Variants in STAU2 observed in about 807,000 individuals in gnomAD.
STAU2 encodes the protein staufen double-stranded RNA binding protein 2, also known as double-stranded RNA-binding protein Staufen homolog 2.
A neutral mutation model predicts 65.9 loss-of-function variants in STAU2; 20 were observed. The observed-to-expected ratio is 0.30, with a 90% confidence interval of 0.21 to 0.44. The LOEUF (loss-of-function observed/expected upper bound fraction) is 0.44, where lower values mean the gene tolerates loss of function less well. Among genes scored for constraint, STAU2 ranks in the 20% least tolerant of loss-of-function variants. The pLI is 1.00. For synonymous variants in STAU2, 232 were observed against 233.9 expected (o/e 0.99, Z 0.07); for missense variants, 558 against 683.9 (o/e 0.82, Z 2.05).
At chr8:73,637,720 A>AACAAAC (rs1196506263) in intron 6 of STAU2, among the ~76,000 whole-genome samples, 3 of 151,930 alleles carry the variant, frequency 2.0e-5, no homozygotes, top group Admixed American at 6.6e-5. Context: ...CAAAAACAAA[A>AACAAAC]ACAAACACAA....
At chr8:73,667,789 A>G (rs530911900) in intron 6 of STAU2, among the ~76,000 whole-genome samples, 3 of 152,344 alleles carry the variant, frequency 2.0e-5, no homozygotes, top group Non-Finnish European at 4.4e-5. Context: ...GACCTCACGA[A>G]AGTCCTTCAT....
rs921872281 is a variant in STAU2, at chr8:73,739,883, A to G, written c.-196-15T>C. ...GTAGGCAGCCTCTAACAAATAGAATATAGCAGAAATAATGAGATACCACTT... is the reference window on the plus strand; with the variant it reads ...GTAGGCAGCCTCTAACAAATAGAATGTAGCAGAAATAATGAGATACCACTT... On this transcript the variant is annotated splice_polypyrimidine_tract_variant and intron_variant, in intron 1 of 14. Coordinates refer to ENST00000524300, the MANE Select transcript of STAU2 (RefSeq NM_001164380.2). 2 of 893,874 alleles carry G rather than the reference A, an allele frequency of 2.2e-6. No individual in the cohort carries two copies. Among genetic ancestry groups the G allele is most frequent in the Non-Finnish European group, 3.5e-6 (2 of 564,972 alleles). The allele number at this position is 893,874 out of a possible 1,614,324, so 55.4% of individuals were successfully genotyped here. A position where few individuals can be genotyped will look rare whatever the true frequency, so the allele number is the denominator to read the frequency against.
At chr8:73,666,064 T>TCCATGAATGCTGAGC (rs1456823566) in intron 6 of STAU2, among the ~76,000 whole-genome samples, 1 of 152,088 alleles carries the variant, frequency 6.6e-6, no homozygotes, top group Non-Finnish European at 1.5e-5. Context: ...ATTGGCTGGA[T>TCCATGAATGCTGAGC]CCATGAATGC....
chr8:73,744,646 T>G (rs1461403762), intron 1 of STAU2, among the ~76,000 whole-genome samples: 1 of 152,218 alleles, frequency 6.6e-6, no homozygotes, highest in Non-Finnish European at 1.5e-5. Context: ...CCACTCTTCC[T>G]AGCACTTCAT....
intron 5 of STAU2, among the ~76,000 whole-genome samples, chr8:73,688,036 A>G (rs915317415): frequency 6.6e-6 from 1 of 151,716 alleles, no homozygotes; most frequent in Admixed American, 6.6e-5. Flanking sequence ...TTTAAAAAAA[A>G]AAAACTCAGT....
At chr8:73,528,250 T>C (rs903793279) in intron 13 of STAU2, among the ~76,000 whole-genome samples, 1 of 152,214 alleles carries the variant, frequency 6.6e-6, no homozygotes, top group Non-Finnish European at 1.5e-5. Context: ...TACAGTATAG[T>C]CCCTACAAAA....
chr8:73,707,683 C>T (rs906725063), intron 4 of STAU2, among the ~76,000 whole-genome samples: 4 of 151,934 alleles, frequency 2.6e-5, no homozygotes. Flanking sequence ...CAATGAGGAG[C>T]AAAGAGTATA....
At chr8:73,427,307 T>C (rs1469408110) in intron 13 of STAU2, among the ~76,000 whole-genome samples, 3 of 152,170 alleles carry the variant, frequency 2.0e-5, no homozygotes, top group Non-Finnish European at 4.4e-5. Flanking sequence ...GGTGTTACTC[T>C]AGGTGCTTCT....
At chr8:73,435,644 C>T (rs553676703) in intron 13 of STAU2, among the ~76,000 whole-genome samples, 71 of 152,074 alleles carry the variant, frequency 4.7e-4, no homozygotes, top group Non-Finnish European at 9.1e-4. Flanking sequence ...AGAAATGTTC[C>T]TGCCCCATAA....
chr8:73,718,462 G>A (rs1821409277), intron 3 of STAU2, among the ~76,000 whole-genome samples: 1 of 152,022 alleles, frequency 6.6e-6, no homozygotes, highest in Non-Finnish European at 1.5e-5. Flanking sequence ...ACCAAGAAAG[G>A]GCTACTTGCT....
chr8:73,668,663 G>A (rs2130377018), intron 6 of STAU2, among the ~76,000 whole-genome samples: 1 of 152,234 alleles, frequency 6.6e-6, no homozygotes, highest in Non-Finnish European at 1.5e-5. Flanking sequence ...ATCTGTTAGT[G>A]AAAAGTGCCT....
chr8:73,632,779 C>T (rs1390898279), intron 6 of STAU2, among the ~76,000 whole-genome samples: 6 of 152,106 alleles, frequency 3.9e-5, no homozygotes, highest in African/African-American at 1.4e-4. Flanking sequence ...AAGAGCTAAA[C>T]TTATAATCTT....
chr8:73,735,740 G>T (rs978857556), intron 3 of STAU2, among the ~76,000 whole-genome samples: 10 of 152,136 alleles, frequency 6.6e-5, no homozygotes, highest in African/African-American at 2.2e-4. Flanking sequence ...AATTGCTTGT[G>T]GCCATGTAGA....
chr8:73,444,265 G>T (rs937955216), intron 13 of STAU2, among the ~76,000 whole-genome samples: 3 of 151,990 alleles, frequency 2.0e-5, no homozygotes, highest in Admixed American at 2.0e-4. Flanking sequence ...AATTAGCCAG[G>T]CATGGTGGTG....
At chr8:73,496,701 C>A (rs1278375491) in intron 13 of STAU2, among the ~76,000 whole-genome samples, 3 of 151,394 alleles carry the variant, frequency 2.0e-5, no homozygotes, top group Non-Finnish European at 3.0e-5. Flanking sequence ...CACAGTATAC[C>A]CAATATATTA....
intron 9 of STAU2, among the ~76,000 whole-genome samples, chr8:73,605,178 T>C (rs73330824): frequency 1.3e-5 from 2 of 152,050 alleles, no homozygotes; most frequent in Non-Finnish European, 2.9e-5. Flanking sequence ...GTATATTTTA[T>C]GTAAAGCCTG....
intron 13 of STAU2, among the ~76,000 whole-genome samples, chr8:73,466,853 C>T (rs1040248225): frequency 2.6e-5 from 4 of 152,224 alleles, no homozygotes; most frequent in South Asian, 2.1e-4. Context: ...GATACACAGA[C>T]GGTTGTGGCA....
chr8:73,531,649 T>A (rs990979419), intron 13 of STAU2, among the ~76,000 whole-genome samples: 10 of 152,146 alleles, frequency 6.6e-5, no homozygotes, highest in African/African-American at 2.2e-4. Flanking sequence ...TTAAAAAAAA[T>A]ATGTAAATGA....
chr8:73,600,131 A>C (rs920164906), intron 10 of STAU2, among the ~76,000 whole-genome samples: 4 of 152,220 alleles, frequency 2.6e-5, no homozygotes, highest in Non-Finnish European at 4.4e-5. Context: ...AATATACAAC[A>C]AAATGGTAAG....
Sources: allele counts gnomAD v4.1 joint callset (sites outside exome capture counted in the v4.1 genomes callset), GRCh38; gene constraint gnomAD v4.1.1; transcripts MANE v1.5; gene names NCBI Gene and HGNC (gene_info 2026-07-23, HGNC 2026-07-21).